Variants in TLE1 observed in about 807,000 individuals in gnomAD.
TLE1 encodes TLE family member 1, transcriptional corepressor.
In TLE1, 21 loss-of-function variants were observed where a neutral mutation model predicts 89.8. The observed-to-expected ratio is 0.23, with a 90% CI of 0.17 to 0.34. TLE1 has a LOEUF of 0.34. TLE1 is among the 10% of genes least tolerant of loss of function. The probability of loss-of-function intolerance (pLI) is 1.00; values close to 1 mark genes in which losing one functional copy is unlikely to be tolerated. For missense variants in TLE1, 795 were observed against 1,031.2 expected (o/e 0.77, Z 3.14); for synonymous variants, 447 against 407.6 (o/e 1.10, Z -1.16).
chr9:81,678,383 T>TC lies in TLE1; in HGVS notation c.234+7292_234+7293insG, dbSNP rs1833167886. The stretch of plus-strand genomic sequence containing the variant: ...TCTGTACCACCAGGCCCAATTAATT[T>TC]TTTTTAAATCTTTTATTGTAGAGAT... On this transcript the variant is annotated intron_variant, in intron 4 of 19. Coordinates refer to ENST00000376499, the MANE Select transcript of TLE1 (RefSeq NM_005077.5). 5.9e-5 allele frequency among the ~76,000 whole-genome samples: 9 copies of TC among 151,698 alleles called. No homozygotes were observed. The South Asian group carries it at 1.9e-3, about 32-fold the overall frequency.
chr9:81,683,862 TCA>T (rs1325951724), intron 4 of TLE1, among the ~76,000 whole-genome samples: 17 of 152,094 alleles, frequency 1.1e-4, no homozygotes, highest in Non-Finnish European at 2.9e-5. Context: ...AAAACTATTC[TCA>T]CACCATGGTG....
intron 18 of TLE1, 37 bp from the exon 19 acceptor site, chr9:81,584,561 T>C: frequency 6.3e-7 from 1 of 1,595,482 alleles, no homozygotes; most frequent in Non-Finnish European, 8.6e-7. Flanking sequence ...TTTCACAAGG[T>C]TAAAATTCCT....
chr9:81,600,119 A>T (rs2777781), intron 14 of TLE1: 179,235 of 738,504 alleles, frequency 0.24, 24,111 homozygotes, highest in Middle Eastern at 0.32. Context: ...CAAGGCTCCT[A>T]AACAGGACAA....
chr9:81,592,091 G>A (rs1394089605), intron 15 of TLE1, among the ~76,000 whole-genome samples: 2 of 152,214 alleles, frequency 1.3e-5, no homozygotes, highest in African/African-American at 2.4e-5. Context: ...GGGCGCGGTG[G>A]CTCACGCCTA....
chr9:81,647,282 A>C (rs2132550668), intron 6 of TLE1, among the ~76,000 whole-genome samples: 1 of 152,198 alleles, frequency 6.6e-6, no homozygotes, highest in East Asian at 1.9e-4. Flanking sequence ...CTCTTGTGCC[A>C]ACAATGACAC....
intron 15 of TLE1, 114 bp from the exon 16 acceptor site, chr9:81,591,166 T>A: frequency 7.2e-7 from 1 of 1,383,576 alleles, no homozygotes; most frequent in South Asian, 1.4e-5. Context: ...ATGGACACTC[T>A]AACAGAGCAA....
chr9:81,663,557 T>A (rs989194871), intron 4 of TLE1, among the ~76,000 whole-genome samples: 2 of 151,518 alleles, frequency 1.3e-5, no homozygotes, highest in Non-Finnish European at 2.9e-5. Context: ...AAAGTGCCTC[T>A]CATCTGTCAA....
intron 4 of TLE1, among the ~76,000 whole-genome samples, chr9:81,683,425 T>TA (rs111790182): frequency 2.0e-5 from 3 of 152,118 alleles, no homozygotes; most frequent in African/African-American, 7.2e-5. Context: ...CTCTACAATA[T>TA]AATGAGCACT....
chr9:81,587,918 G>GTT, intron 16 of TLE1, 90 bp from the exon 17 acceptor site: 1 of 909,714 alleles, frequency 1.1e-6, no homozygotes, highest in Non-Finnish European at 1.6e-6. Context: ...GTGTGTGTGT[G>GTT]TGTGTGTGTG....
At chr9:81,685,021 G>A (rs1834089067) in intron 4 of TLE1, among the ~76,000 whole-genome samples, 1 of 152,150 alleles carries the variant, frequency 6.6e-6, no homozygotes, top group African/African-American at 2.4e-5. Flanking sequence ...CATAGTCATT[G>A]CTAGAGCTTT....
chr9:81,660,341 C>CA (rs36108203), intron 4 of TLE1, among the ~76,000 whole-genome samples: 30,383 of 114,408 alleles, frequency 0.27, 3,661 homozygotes, highest in Non-Finnish European at 0.34. Context: ...AGGCTGTTCA[C>CA]AAAAAAAAAA....
In TLE1 at chr9:81,616,640, G is replaced by T; in HGVS notation, c.765+6C>A. The T allele has an allele frequency of 6.2e-7, 1 of 1,613,252 alleles. No individual in the cohort carries two copies. The highest frequency in any genetic ancestry group is 8.5e-7 in the Non-Finnish European group (1 of 1,179,646). ...GAAGACAAACTTTGATGAAAAGAATGGTTACCTCATTAGACACATCCACAA... is the reference window on the plus strand; with the variant it reads ...GAAGACAAACTTTGATGAAAAGAATTGTTACCTCATTAGACACATCCACAA... On this transcript the variant is annotated splice_donor_region_variant and intron_variant, in intron 10 of 19. Coordinates refer to ENST00000376499, the MANE Select transcript of TLE1 (RefSeq NM_005077.5).
At chr9:81,667,402 AAAAG>A (rs1831615768) in intron 4 of TLE1, among the ~76,000 whole-genome samples, 1 of 151,966 alleles carries the variant, frequency 6.6e-6, no homozygotes, top group Non-Finnish European at 1.5e-5. Flanking sequence ...AAAAAAAAAA[AAAAG>A]AAGCAAAAAT....
chr9:81,665,807 T>C (rs1344113053), intron 4 of TLE1, among the ~76,000 whole-genome samples: 4 of 152,080 alleles, frequency 2.6e-5, no homozygotes, highest in Admixed American at 2.6e-4. Flanking sequence ...AATGATGGTC[T>C]TTTGATTTAT....
At chr9:81,657,743 G>A (rs561135982) in intron 4 of TLE1, among the ~76,000 whole-genome samples, 24 of 151,858 alleles carry the variant, frequency 1.6e-4, no homozygotes, top group Admixed American at 3.9e-4. Flanking sequence ...TATATAAAAT[G>A]GTGTATTTGC....
intron 4 of TLE1, among the ~76,000 whole-genome samples, chr9:81,682,554 G>A (rs956121150): frequency 2.0e-5 from 3 of 152,206 alleles, no homozygotes; most frequent in African/African-American, 7.2e-5. Flanking sequence ...AGGTTTATGT[G>A]TGCATTTACA....
intron 9 of TLE1, 148 bp downstream of exon 9, chr9:81,620,293 G>C: frequency 1.5e-6 from 1 of 672,888 alleles, no homozygotes; most frequent in Non-Finnish European, 2.5e-6. Flanking sequence ...GCCCCAAAGG[G>C]AAATACTATC....
Position 81,688,576 on chromosome 9 carries a change from G to A in TLE1, c.-336C>T, listed in dbSNP as rs1227154101. ...CGGCCTCAGCTGCCCGGGCGGGGAGGCGGGGGCGCGGTGACTCCGACCGCA... is the reference window on the plus strand; with the variant it reads ...CGGCCTCAGCTGCCCGGGCGGGGAGACGGGGGCGCGGTGACTCCGACCGCA... On this transcript the variant is annotated 5_prime_UTR_variant, in exon 1 of 20. Transcript: ENST00000376499. 3.5e-6 allele frequency: 1 copy of A among 283,928 alleles called. No individual in the cohort carries two copies. The highest frequency in any genetic ancestry group is 6.5e-6 in the Non-Finnish European group (1 of 154,390). The allele number at this position is 283,928 out of a possible 1,614,324, so 17.6% of individuals were successfully genotyped here. A position where few individuals can be genotyped will look rare whatever the true frequency, so the allele number is the denominator to read the frequency against.
intron 4 of TLE1, among the ~76,000 whole-genome samples, chr9:81,678,503 T>C (rs897614193): frequency 5.9e-5 from 9 of 152,270 alleles, no homozygotes; most frequent in Non-Finnish European, 1.0e-4. Flanking sequence ...ATGCCTGGCT[T>C]GCAACTTAGT....
Sources: gnomAD v4.1 joint callset for allele counts (sites outside exome capture counted in the v4.1 genomes callset) on GRCh38, gnomAD v4.1.1 for gene constraint, MANE v1.5 for transcripts, NCBI Gene and HGNC (gene_info 2026-07-23, HGNC 2026-07-21) for gene names.